SLC24A2: variants seen among roughly 807,000 people sequenced by gnomAD.
SLC24A2 encodes solute carrier family 24 member 2.
SLC24A2 carries 36 observed loss-of-function variants against 62.0 expected under a neutral mutation model. That is an observed-to-expected ratio of 0.58 (90% CI 0.44 to 0.77). The LOEUF is 0.77. SLC24A2 is among the 30% of genes least tolerant of loss of function. The probability of loss-of-function intolerance (pLI) is 0.00; values close to 1 mark genes in which losing one functional copy is unlikely to be tolerated. For synonymous variants in SLC24A2, 358 were observed against 294.0 expected, an observed-to-expected ratio of 1.22 and a Z score of -2.23; for missense variants, 846 against 817.9, an observed-to-expected ratio of 1.03 and a Z score of -0.42.
At chr9:19,728,745 C>A (rs924252381) in intron 2 of SLC24A2, among the ~76,000 whole-genome samples, 4 of 152,092 alleles carry the variant, frequency 2.6e-5, no homozygotes, top group African/African-American at 9.7e-5. Context: ...GAAGGCTCCT[C>A]AATTTTTGTA....
the SLC24A2 span, among the ~76,000 whole-genome samples, chr9:19,813,310 T>C: frequency 7.1e-6 from 1 of 140,110 alleles, no homozygotes; most frequent in Admixed American, 7.9e-5. Flanking sequence ...TTCTCCATCA[T>C]CTTCCTCTTT....
At chr9:20,264,770 A>C in the SLC24A2 span, among the ~76,000 whole-genome samples, 1 of 152,256 alleles carries the variant, frequency 6.6e-6, no homozygotes, top group Non-Finnish European at 1.5e-5. Flanking sequence ...GTTTTATAGA[A>C]AACAGAGGCC....
chr9:19,758,190 A>G (rs545497336), intron 2 of SLC24A2, among the ~76,000 whole-genome samples: 159 of 152,330 alleles, frequency 1.0e-3, no homozygotes, highest in Non-Finnish European at 1.7e-3. Context: ...TTTTATATAA[A>G]ACAGGAAAAA....
At chr9:19,678,001 A>G (rs1236251970) in intron 2 of SLC24A2, among the ~76,000 whole-genome samples, 1 of 152,172 alleles carries the variant, frequency 6.6e-6, no homozygotes, top group African/African-American at 2.4e-5. Context: ...GAGGGCTTCA[A>G]CCAGACAATC....
the SLC24A2 span, among the ~76,000 whole-genome samples, chr9:20,077,411 A>G: frequency 2.6e-5 from 4 of 152,294 alleles, no homozygotes; most frequent in South Asian, 8.3e-4. Context: ...CCTCAAATAT[A>G]CATAATACAA....
chr9:20,087,931 TC>T, the SLC24A2 span, among the ~76,000 whole-genome samples: 2 of 152,120 alleles, frequency 1.3e-5, no homozygotes, highest in South Asian at 4.1e-4. Flanking sequence ...GAGTGAGCGA[TC>T]CGGGGACCCA....
At chr9:19,542,689 A>G (rs1359615624) in intron 8 of SLC24A2, among the ~76,000 whole-genome samples, 1 of 152,222 alleles carries the variant, frequency 6.6e-6, no homozygotes, top group Non-Finnish European at 1.5e-5. Flanking sequence ...ATCTGTTGAA[A>G]TAATCACGTG....
the SLC24A2 span, among the ~76,000 whole-genome samples, chr9:19,833,796 C>G: frequency 6.6e-6 from 1 of 152,218 alleles, no homozygotes; most frequent in African/African-American, 2.4e-5. Flanking sequence ...GGTCCCTGAC[C>G]CCCGAGTAGC....
At chr9:19,789,414 T>C (rs1017106551), upstream of SLC24A2, among the ~76,000 whole-genome samples, 6 of 152,190 alleles carry the variant, frequency 3.9e-5, no homozygotes, top group African/African-American at 1.4e-4. Flanking sequence ...ATGTGATGTG[T>C]AATGGTGGAA....
chr9:19,835,336 A>T, the SLC24A2 span, among the ~76,000 whole-genome samples: 1 of 152,192 alleles, frequency 6.6e-6, no homozygotes, highest in African/African-American at 2.4e-5. Context: ...AATCCATCAC[A>T]CATGCAGAGA....
At chr9:20,098,351 AG>A in the SLC24A2 span, among the ~76,000 whole-genome samples, 79 of 152,332 alleles carry the variant, frequency 5.2e-4, 1 homozygote, top group South Asian at 0.015. Flanking sequence ...GTTAGAAATA[AG>A]GCTATGATGC....
the SLC24A2 span, among the ~76,000 whole-genome samples, chr9:20,192,808 C>T: frequency 6.6e-6 from 1 of 152,108 alleles, no homozygotes; most frequent in African/African-American, 2.4e-5. Context: ...AGGTTGAGAA[C>T]CACTGCACTG....
intron 2 of SLC24A2, among the ~76,000 whole-genome samples, chr9:19,709,243 A>AG (rs1160172913): frequency 6.6e-6 from 1 of 151,834 alleles, no homozygotes; most frequent in African/African-American, 2.4e-5. Flanking sequence ...ATCATTAAAA[A>AG]GTCAGGAAAC....
At chr9:19,971,061 T>A in the SLC24A2 span, among the ~76,000 whole-genome samples, 1 of 152,156 alleles carries the variant, frequency 6.6e-6, no homozygotes, top group Non-Finnish European at 1.5e-5. Flanking sequence ...CAAACAGAGA[T>A]CTGAAAAGCA....
intron 2 of SLC24A2, among the ~76,000 whole-genome samples, chr9:19,756,537 A>G (rs1342358310): frequency 1.3e-5 from 2 of 152,158 alleles, no homozygotes; most frequent in Non-Finnish European, 2.9e-5. Flanking sequence ...TGACAACAAT[A>G]TTTATATATT....
Position 19,636,315 on chromosome 9 carries a change from T to TTTTCTTTTCTTTTCCTTTC in SLC24A2, c.931-14017_931-14016insGAAAGGAAAAGAAAAGAAA. Reference sequence around the variant, plus strand: ...TTTTCTTTTCTTTTCTTTTCTTTTCTTTTCTTTCTTTCTTTCTTTCTTTCT... The same window carrying TTTTCTTTTCTTTTCCTTTC: ...TTTTCTTTTCTTTTCTTTTCTTTTCTTTTCTTTTCTTTTCCTTTCTTTCTTTCTTTCTTTCTTTCTTTCT... On this transcript the variant is annotated intron_variant, in intron 2 of 10. Coordinates refer to ENST00000341998, the MANE Select transcript of SLC24A2 (RefSeq NM_020344.4). Among the ~76,000 whole-genome samples, 220 of 40,316 alleles carry TTTTCTTTTCTTTTCCTTTC rather than the reference T, an allele frequency of 5.5e-3. 15 individuals carry two copies. In the Middle Eastern group the frequency reaches 0.057, roughly 10 times the overall value. The allele number at this position is 40,316 out of a possible 152,430, so 26.4% of individuals were successfully genotyped here. A position where few individuals can be genotyped will look rare whatever the true frequency, so the allele number is the denominator to read the frequency against.
chr9:19,807,110 A>G, the SLC24A2 span, among the ~76,000 whole-genome samples: 1 of 152,240 alleles, frequency 6.6e-6, no homozygotes, highest in African/African-American at 2.4e-5. Flanking sequence ...TTATGTTAAA[A>G]AAGAAATGAA....
intron 2 of SLC24A2, among the ~76,000 whole-genome samples, chr9:19,669,439 T>C (rs755058028): frequency 1.4e-4 from 21 of 152,178 alleles, no homozygotes; most frequent in Non-Finnish European, 2.1e-4. Context: ...AATGCAGATA[T>C]TAGCTTTTTA....
chr9:20,198,737 C>T, the SLC24A2 span, among the ~76,000 whole-genome samples: 1 of 151,526 alleles, frequency 6.6e-6, no homozygotes, highest in Non-Finnish European at 1.5e-5. Flanking sequence ...GGTGCCAATA[C>T]CTAGATACTT....
Sources: allele counts gnomAD v4.1 joint callset (sites outside exome capture counted in the v4.1 genomes callset), GRCh38; gene constraint gnomAD v4.1.1; transcripts MANE v1.5; gene names NCBI Gene and HGNC (gene_info 2026-07-23, HGNC 2026-07-21).